ROBO2: variants seen among roughly 807,000 people sequenced by gnomAD.
ROBO2 encodes the protein roundabout guidance receptor 2.
ROBO2 carries 53 observed loss-of-function variants against 160.8 expected under a neutral mutation model. That is an observed-to-expected ratio of 0.33 (90% confidence interval 0.26 to 0.41). The LOEUF (loss-of-function observed/expected upper bound fraction) is 0.41. Ranked by LOEUF, ROBO2 falls within the 10% of genes least tolerant of loss-of-function variation. ROBO2 has a pLI of 1.00. For missense variants in ROBO2, 1,577 were observed against 1,722.4 expected, an observed-to-expected ratio of 0.92 and a Z score of 1.49; for synonymous variants, 664 against 611.7, an observed-to-expected ratio of 1.09 and a Z score of -1.26.
intron 2 of ROBO2, among the ~76,000 whole-genome samples, chr3:76,907,389 G>A (rs1366329402): frequency 6.6e-6 from 1 of 152,074 alleles, no homozygotes; most frequent in Non-Finnish European, 1.5e-5. Context: ...AACGAGACTG[G>A]ATTTTAGATT....
At chr3:76,933,446 T>C (rs1015643670) in intron 2 of ROBO2, among the ~76,000 whole-genome samples, 2 of 152,210 alleles carry the variant, frequency 1.3e-5, no homozygotes, top group African/African-American at 4.8e-5. Flanking sequence ...TTTGCTGATG[T>C]CAGTTGTTCT....
intron 2 of ROBO2, among the ~76,000 whole-genome samples, chr3:76,992,539 C>A (rs1281504897): frequency 6.6e-6 from 1 of 151,476 alleles, no homozygotes; most frequent in African/African-American, 2.4e-5. Flanking sequence ...AGTTCTCACT[C>A]CGTAATTTCG....
chr3:76,179,865 GT>G (rs1367323933), intron 2 of ROBO2, among the ~76,000 whole-genome samples: 1 of 152,118 alleles, frequency 6.6e-6, no homozygotes, highest in East Asian at 1.9e-4. Context: ...TTTTTATAAA[GT>G]GGTGACTTCC....
intron 2 of ROBO2, among the ~76,000 whole-genome samples, chr3:76,037,094 G>A (rs550629196): frequency 1.3e-5 from 2 of 151,820 alleles, no homozygotes; most frequent in Admixed American, 1.3e-4. Flanking sequence ...CATCTCCATT[G>A]TATATCAATA....
chr3:76,186,551 A>G (rs1701774663), intron 2 of ROBO2, among the ~76,000 whole-genome samples: 1 of 151,882 alleles, frequency 6.6e-6, no homozygotes, highest in Non-Finnish European at 1.5e-5. Context: ...ACTGGATCCC[A>G]TTCCTCTCTG....
exon 19 of ROBO2, chr3:77,596,624 C>A: frequency 6.2e-7 from 1 of 1,613,772 alleles, no homozygotes; most frequent in Non-Finnish European, 8.5e-7. Flanking sequence ...CTGTTTTAGC[C>A]GTCCAGGTCT....
chr3:77,395,565 C>G lies in ROBO2; in HGVS notation c.389-81849C>G, dbSNP rs1474067362. On this transcript the variant is annotated intron_variant, in intron 2 of 25. Transcript: ENST00000461745. ...TTTGGATTAATCGAATGCCCAAGGT[C>G]CAGCCTGATATTAAGTAATTGCTAT... Among the ~76,000 whole-genome samples, 6 of 152,062 alleles carry G rather than the reference C, an allele frequency of 3.9e-5. No homozygotes were observed. In the East Asian group the frequency reaches 1.2e-3, roughly 29 times the overall value.
At chr3:76,242,141 A>G (rs903984509) in intron 2 of ROBO2, among the ~76,000 whole-genome samples, 6 of 152,290 alleles carry the variant, frequency 3.9e-5, no homozygotes, top group Admixed American at 3.3e-4. Context: ...GATCTTGGTT[A>G]ATGCATTTCC....
intron 2 of ROBO2, among the ~76,000 whole-genome samples, chr3:76,247,809 C>A (rs1166049461): frequency 6.6e-6 from 1 of 151,794 alleles, no homozygotes; most frequent in Non-Finnish European, 1.5e-5. Flanking sequence ...AAAAAAACAA[C>A]CCCATCAAAA....
chr3:77,227,255 C>A (rs1397475643), intron 2 of ROBO2, among the ~76,000 whole-genome samples: 1 of 152,050 alleles, frequency 6.6e-6, no homozygotes, highest in Non-Finnish European at 1.5e-5. Flanking sequence ...TGCAGGTGGT[C>A]ATAAACCGCA....
intron 2 of ROBO2, among the ~76,000 whole-genome samples, chr3:76,909,646 G>A (rs1004678549): frequency 6.6e-5 from 10 of 152,126 alleles, no homozygotes; most frequent in African/African-American, 1.4e-4. Flanking sequence ...TTCTTAGTGC[G>A]TTGTTTTTTA....
At chr3:76,705,738 C>T (rs187264036) in intron 2 of ROBO2, among the ~76,000 whole-genome samples, 2 of 152,218 alleles carry the variant, frequency 1.3e-5, no homozygotes, top group East Asian at 1.9e-4. Flanking sequence ...CTTTAAAATA[C>T]TTTAAATAAA....
intron 13 of ROBO2, among the ~76,000 whole-genome samples, chr3:77,571,409 A>G (rs2093633843): frequency 6.6e-6 from 1 of 152,042 alleles, no homozygotes; most frequent in South Asian, 2.1e-4. Flanking sequence ...ATGTTTTATC[A>G]TTGTGCATCT....
rs143528784 is a variant in ROBO2 at position 76,071,177 on chromosome 3, T to G, written c.109+133575T>G. On this transcript the variant is annotated intron_variant, in intron 2 of 26. Coordinates refer to the ROBO2 transcript ENST00000487694. ...TTAGATAAACATCAACTGGTTCTAATAATTTGTGATTACTGTTTATGTCAG... is the reference window on the plus strand; with the variant it reads ...TTAGATAAACATCAACTGGTTCTAAGAATTTGTGATTACTGTTTATGTCAG... 1.4e-4 allele frequency among the ~76,000 whole-genome samples: 22 copies of G among 152,346 alleles called. No homozygotes were observed. The East Asian group carries it at 4.2e-3, about 29-fold the overall frequency.
At chr3:76,119,353 AT>A (rs5850234) in intron 2 of ROBO2, among the ~76,000 whole-genome samples, 13,194 of 151,340 alleles carry the variant, frequency 0.087, 1,247 homozygotes, top group African/African-American at 0.22. Flanking sequence ...AACTTTCGTA[AT>A]TTTTTTTTAC....
chr3:77,412,212 C>T (rs1043290401), intron 2 of ROBO2, among the ~76,000 whole-genome samples: 1 of 152,144 alleles, frequency 6.6e-6, no homozygotes, highest in Non-Finnish European at 1.5e-5. Flanking sequence ...TTCTTTAATC[C>T]ACATCCCTGA....
intron 1 of ROBO2, among the ~76,000 whole-genome samples, chr3:77,076,222 A>G (rs1008902185): frequency 5.3e-5 from 8 of 151,930 alleles, no homozygotes; most frequent in Admixed American, 5.2e-4. Context: ...TAAATTCTGT[A>G]TTTTCTCCTG....
intron 2 of ROBO2, among the ~76,000 whole-genome samples, chr3:77,238,711 T>G (rs2088472539): frequency 6.6e-6 from 1 of 152,194 alleles, no homozygotes; most frequent in Admixed American, 6.5e-5. Context: ...ATATTTAATT[T>G]TTTTATAAAT....
intron 2 of ROBO2, among the ~76,000 whole-genome samples, chr3:77,144,443 C>G (rs1237181725): frequency 5.3e-5 from 8 of 152,162 alleles, no homozygotes; most frequent in Admixed American, 5.2e-4. Flanking sequence ...TGTTCCGTGC[C>G]TGATTTCTCC....
Sources: allele counts gnomAD v4.1 joint callset (sites outside exome capture counted in the v4.1 genomes callset), GRCh38; gene constraint gnomAD v4.1.1; transcripts MANE v1.5; gene names NCBI Gene and HGNC (gene_info 2026-07-23, HGNC 2026-07-21).